Variants in KCND2 observed in about 807,000 individuals in gnomAD.
The protein encoded by KCND2 is potassium voltage-gated channel subfamily D member 2, also known as A-type voltage-gated potassium channel KCND2.
A neutral mutation model predicts 54.4 loss-of-function variants in KCND2; 16 were observed. The observed-to-expected ratio is 0.29, with a 90% CI of 0.20 to 0.45. KCND2 has a LOEUF of 0.45. Ranked by LOEUF, KCND2 falls within the 20% of genes least tolerant of loss-of-function variation. The probability of loss-of-function intolerance (pLI) is 1.00; values close to 1 mark genes in which losing one functional copy is unlikely to be tolerated. For synonymous variants in KCND2, 317 were observed against 310.7 expected (o/e 1.02, Z -0.21); for missense variants, 486 against 824.2 (o/e 0.59, Z 5.02).
intron 1 of KCND2, among the ~76,000 whole-genome samples, chr7:120,528,842 A>C (rs1791809093): frequency 6.6e-6 from 1 of 152,186 alleles, no homozygotes; most frequent in Admixed American, 6.6e-5. Flanking sequence ...CCTATGATTT[A>C]TATAAGAGAA....
At chr7:120,663,950 T>C (rs1791895393) in intron 1 of KCND2, among the ~76,000 whole-genome samples, 1 of 152,164 alleles carries the variant, frequency 6.6e-6, no homozygotes, top group East Asian at 1.9e-4. Flanking sequence ...GATATTTGCA[T>C]AGGAGAAAAG....
chr7:120,346,229 A>G (rs1440238515), intron 1 of KCND2, among the ~76,000 whole-genome samples: 1 of 152,142 alleles, frequency 6.6e-6, no homozygotes, highest in East Asian at 1.9e-4. Flanking sequence ...TATCCTGGAT[A>G]TTAACCCCTT....
chr7:120,512,207 T>G (rs2116333160), intron 1 of KCND2, among the ~76,000 whole-genome samples: 1 of 152,150 alleles, frequency 6.6e-6, no homozygotes, highest in South Asian at 2.1e-4. Flanking sequence ...AGTGCCCAAT[T>G]TTTAGCTACA....
At position 120,274,419 on chromosome 7, in the gene KCND2, G is replaced by C. The variant is rs1799140963; in HGVS notation, c.-214G>C. ...GGTGATTGTTAGGACGTTGTATTTT[G>C]TTGCCATTATTCCAAATACCTGTCT... On this transcript the variant is annotated 5_prime_UTR_variant, in exon 1 of 6. Coordinates refer to ENST00000331113, the MANE Select transcript of KCND2 (RefSeq NM_012281.3). 3.1e-6 allele frequency: 2 copies of C among 639,278 alleles called. No homozygotes were observed. Among genetic ancestry groups the C allele is most frequent in the Non-Finnish European group, 2.8e-6 (1 of 356,068 alleles). The allele number at this position is 639,278 out of a possible 1,614,324, so 39.6% of individuals were successfully genotyped here.
In KCND2 at chr7:120,397,860, A is replaced by C. The variant is rs190752808; in HGVS notation, c.1115+122113A>C. 1.6e-3 allele frequency among the ~76,000 whole-genome samples: 238 copies of C among 151,496 alleles called. 1 individual carries two copies. Among genetic ancestry groups the C allele is most frequent in the African/African-American group, 5.2e-3 (217 of 41,376 alleles). On this transcript the variant is annotated intron_variant, in intron 1 of 5. Coordinates refer to ENST00000331113, the MANE Select transcript of KCND2 (RefSeq NM_012281.3). ...AGTAAATATAGAGTTAAACAATTTA[A>C]ATTATTTACTGTTAGCAAATTCCTA...
chr7:120,418,477 GC>G (rs67040290), intron 1 of KCND2, among the ~76,000 whole-genome samples: 49,350 of 151,970 alleles, frequency 0.32, 11,127 homozygotes, highest in African/African-American at 0.62. Flanking sequence ...GACCTAAGAG[GC>G]CATCTGCTGT....
chr7:120,575,374 C>T (rs953025883), intron 1 of KCND2, among the ~76,000 whole-genome samples: 29 of 152,226 alleles, frequency 1.9e-4, no homozygotes, highest in African/African-American at 5.5e-4. Flanking sequence ...GCATCCAGCA[C>T]GGGAGAAAGA....
At chr7:120,677,367 A>G (rs533006723) in intron 1 of KCND2, among the ~76,000 whole-genome samples, 8 of 152,162 alleles carry the variant, frequency 5.3e-5, no homozygotes, top group African/African-American at 1.9e-4. Context: ...GATGATGAGA[A>G]CAAGAGAAGA....
intron 1 of KCND2, among the ~76,000 whole-genome samples, chr7:120,595,160 C>A (rs1455134075): frequency 1.3e-5 from 2 of 151,906 alleles, no homozygotes; most frequent in Non-Finnish European, 2.9e-5. Context: ...CTACTAAAAT[C>A]CATATGTAGG....
chr7:120,587,725 T>G (rs1326946234), intron 1 of KCND2, among the ~76,000 whole-genome samples: 2 of 152,188 alleles, frequency 1.3e-5, no homozygotes, highest in African/African-American at 2.4e-5. Context: ...AATGAGCCAT[T>G]TTCATAAAGC....
chr7:120,644,477 C>G (rs1334876686), intron 1 of KCND2, among the ~76,000 whole-genome samples: 1 of 152,110 alleles, frequency 6.6e-6, no homozygotes, highest in Non-Finnish European at 1.5e-5. Flanking sequence ...AAATAACAAA[C>G]TACCAGGAAA....
chr7:120,479,800 A>C (rs1471712693), intron 1 of KCND2, among the ~76,000 whole-genome samples: 5,097 of 122,206 alleles, frequency 0.042, 118 homozygotes, highest in East Asian at 0.11. Context: ...CACACACAAA[A>C]AAAAAAAAAA....
intron 1 of KCND2, among the ~76,000 whole-genome samples, chr7:120,422,042 T>C (rs1003904589): frequency 2.0e-5 from 3 of 152,200 alleles, no homozygotes; most frequent in Non-Finnish European, 4.4e-5. Context: ...AGGAAAATCA[T>C]TAAGTTTATG....
In KCND2 at chr7:120,275,235, G is replaced by T. The variant is rs756020692; in HGVS notation, c.603G>T (p.Ala201=). The T allele has an allele frequency of 1.2e-6, 2 of 1,613,890 alleles. No individual in the cohort carries two copies. Among genetic ancestry groups the T allele is most frequent in the African/African-American group, 1.3e-5 (1 of 74,968 alleles). ...TTTTCATTGCCGTCTCTGTCATCGCGAATGTGGTGGAAACAGTGCCGTGCG... is the reference window on the plus strand; with the variant it reads ...TTTTCATTGCCGTCTCTGTCATCGCTAATGTGGTGGAAACAGTGCCGTGCG... ...TGFFIAVSVI[A]NVVETVPCGS... Residue 201 remains alanine, a synonymous_variant, in exon 1 of 6, where the codon GCG becomes GCT. Coordinates refer to ENST00000331113, the MANE Select transcript of KCND2 (RefSeq NM_012281.3).
intron 1 of KCND2, among the ~76,000 whole-genome samples, chr7:120,514,707 C>G (rs1356454009): frequency 3.9e-5 from 6 of 151,968 alleles, no homozygotes; most frequent in Admixed American, 3.9e-4. Flanking sequence ...TGGACAGGAG[C>G]TGGTGGGGAA....
At chr7:120,728,599 T>C (rs188037203) in intron 1 of KCND2, among the ~76,000 whole-genome samples, 39 of 152,304 alleles carry the variant, frequency 2.6e-4, no homozygotes, top group Admixed American at 1.1e-3. Flanking sequence ...CTCCTTCTTA[T>C]GTTTTTGCGA....
At chr7:120,492,734 T>C (rs1487725757) in intron 1 of KCND2, among the ~76,000 whole-genome samples, 1 of 152,118 alleles carries the variant, frequency 6.6e-6, no homozygotes, top group Non-Finnish European at 1.5e-5. Flanking sequence ...AAGCATTTAA[T>C]ACATCTAACC....
intron 1 of KCND2, among the ~76,000 whole-genome samples, chr7:120,487,886 A>G (rs577198018): frequency 6.6e-6 from 1 of 152,288 alleles, no homozygotes; most frequent in African/African-American, 2.4e-5. Flanking sequence ...CAAATTCAAA[A>G]TTAGTTATGT....
At chr7:120,416,850 C>T (rs1364823485) in intron 1 of KCND2, among the ~76,000 whole-genome samples, 3 of 151,664 alleles carry the variant, frequency 2.0e-5, no homozygotes, top group African/African-American at 7.3e-5. Flanking sequence ...TTTAGAAAGC[C>T]TTGTTTTTCC....
Sources: gnomAD v4.1 joint callset for allele counts (sites outside exome capture counted in the v4.1 genomes callset) on GRCh38, gnomAD v4.1.1 for gene constraint, MANE v1.5 for transcripts, NCBI Gene and HGNC (gene_info 2026-07-23, HGNC 2026-07-21) for gene names.